The following IQUB variants were observed in gnomAD, a reference collection of about 807,000 sequenced individuals.
The protein encoded by IQUB is IQ motif and ubiquitin-like domain-containing protein.
A neutral mutation model predicts 86.4 loss-of-function variants in IQUB; 86 were observed. The ratio of observed to expected loss-of-function variants is 1.00; its 90% confidence interval spans 0.84 to 1.19. IQUB has a LOEUF of 1.19. Ranked by LOEUF, IQUB falls within the 50% of genes most tolerant of loss-of-function variation. IQUB has a pLI of 0.00. For synonymous variants in IQUB, 289 were observed against 304.5 expected, an observed-to-expected ratio of 0.95 and a Z score of 0.53; for missense variants, 946 against 916.9, an observed-to-expected ratio of 1.03 and a Z score of -0.41.
At chr7:123,520,687 T>C (rs951719240) in intron 1 of IQUB, among the ~76,000 whole-genome samples, 2 of 152,028 alleles carry the variant, frequency 1.3e-5, no homozygotes, top group Non-Finnish European at 2.9e-5. Context: ...GAGAGGGCAT[T>C]AGATTGTGGA....
intron 8 of IQUB, among the ~76,000 whole-genome samples, chr7:123,471,479 C>T (rs1794519556): frequency 6.6e-6 from 1 of 152,138 alleles, no homozygotes; most frequent in East Asian, 1.9e-4. Context: ...AATGCAATTG[C>T]TTTTCTTCCA....
Position 123,469,210 on chromosome 7 carries a change from A to T in IQUB, c.1581+4T>A. On this transcript the variant is annotated splice_donor_region_variant and intron_variant, in intron 9 of 12. Coordinates refer to ENST00000324698, the MANE Select transcript of IQUB (RefSeq NM_178827.5). The stretch of plus-strand genomic sequence containing the variant: ...ACCCCCAAACTAAGAGAAAGTTAAC[A>T]TACCTTTACAGTGTGTTTAAGAGTT... 1.3e-6 allele frequency: 2 copies of T among 1,495,706 alleles called. No homozygotes were observed. Among genetic ancestry groups the T allele is most frequent in the Non-Finnish European group, 1.8e-6 (2 of 1,120,478 alleles). 92.7% of individuals were successfully genotyped at this position (1,495,706 alleles called of 1,614,324 possible).
chr7:123,458,153 T>C (rs1186859567), intron 11 of IQUB: 1 of 152,008 alleles, frequency 6.6e-6, no homozygotes, highest in African/African-American at 2.4e-5. Context: ...AAAGACTTGG[T>C]TGTTTTAATC....
At chr7:123,464,240 TAG>T (rs1794140759) in intron 10 of IQUB, among the ~76,000 whole-genome samples, 1 of 151,878 alleles carries the variant, frequency 6.6e-6, no homozygotes, top group African/African-American at 2.4e-5. Context: ...GTCTTGGCTT[TAG>T]AGAGCCACAG....
chr7:123,517,134 A>G (rs561095010), intron 1 of IQUB, among the ~76,000 whole-genome samples: 10 of 152,276 alleles, frequency 6.6e-5, no homozygotes, highest in South Asian at 2.1e-4. Flanking sequence ...AGAAACTCCA[A>G]TCCTTTATAA....
chr7:123,490,687 G>A (rs780682129), intron 7 of IQUB, among the ~76,000 whole-genome samples: 4 of 152,208 alleles, frequency 2.6e-5, no homozygotes, highest in South Asian at 2.1e-4. Context: ...CAAATTGGCC[G>A]GGTGCATTGG....
At chr7:123,480,097 A>T in intron 7 of IQUB, 127 bp from the exon 8 acceptor site, 2 of 680,832 alleles carry the variant, frequency 2.9e-6, no homozygotes, top group Admixed American at 6.9e-5. Context: ...AATCATTTCT[A>T]TTGTACACCT....
At chr7:123,519,545 C>A (rs1028976437) in intron 1 of IQUB, among the ~76,000 whole-genome samples, 1 of 152,058 alleles carries the variant, frequency 6.6e-6, no homozygotes, top group Non-Finnish European at 1.5e-5. Context: ...ATAAGCAAGG[C>A]ACAGAAAGAC....
chr7:123,530,828 C>A (rs1158143850), intron 1 of IQUB, among the ~76,000 whole-genome samples: 1 of 152,008 alleles, frequency 6.6e-6, no homozygotes, highest in Non-Finnish European at 1.5e-5. Context: ...AGGCACCCCC[C>A]ACCATGCCTG....
At chr7:123,518,171 T>A (rs1562873047) in intron 1 of IQUB, among the ~76,000 whole-genome samples, 1 of 151,978 alleles carries the variant, frequency 6.6e-6, no homozygotes, top group African/African-American at 2.4e-5. Context: ...TCACCCATTA[T>A]CCAGCCACTC....
At chr7:123,533,359 C>T (rs999966841) in intron 1 of IQUB, among the ~76,000 whole-genome samples, 4 of 152,148 alleles carry the variant, frequency 2.6e-5, no homozygotes, top group African/African-American at 4.8e-5. Context: ...TCTATTATAG[C>T]CCCAAGAAGT....
intron 7 of IQUB, among the ~76,000 whole-genome samples, chr7:123,485,621 AAGG>A (rs745705175): frequency 1.3e-5 from 2 of 152,194 alleles, no homozygotes; most frequent in Non-Finnish European, 2.9e-5. Context: ...CATAAAATGA[AAGG>A]AGAATAGGAC....
rs572535777 is a variant in IQUB at position 123,511,180 on chromosome 7, T to C, written c.397+764A>G. 5.9e-5 allele frequency among the ~76,000 whole-genome samples: 9 copies of C among 152,232 alleles called. No homozygotes were observed. In the East Asian group the frequency reaches 1.5e-3, roughly 26 times the overall value. ...TACACCACCAGATTCAAAAGCTACA[T>C]TTTACCAGCCAAACTAAGCTGCTGT... On this transcript the variant is annotated intron_variant, in intron 2 of 12. Coordinates refer to ENST00000324698, the MANE Select transcript of IQUB (RefSeq NM_178827.5).
At chr7:123,460,648 CA>C (rs1793936253) in intron 11 of IQUB, among the ~76,000 whole-genome samples, 1 of 151,902 alleles carries the variant, frequency 6.6e-6, no homozygotes. Context: ...TCTGTTTTCT[CA>C]CTTGCTTACC....
intron 10 of IQUB, 50 bp downstream of exon 10, chr7:123,464,783 A>C: frequency 7.8e-7 from 1 of 1,277,262 alleles, no homozygotes; most frequent in Non-Finnish European, 1.1e-6. Context: ...AATTTACTAT[A>C]CCACATCTTA....
Position 123,452,851 on chromosome 7 carries a change from TG to T in IQUB, c.2267del (p.Pro756GlnfsTer29). The T allele has an allele frequency of 6.2e-7, 1 of 1,613,676 alleles. No individual in the cohort carries two copies. ...CATCAAGTATAAATGAAGCCAGCAC[TG>T]GAACCTGAGAAAAATAGTTCTTAGC... is the stretch of plus-strand genomic sequence containing the variant. ...ILAKNYFSQV[P>X]VLASFILDDG... is the part of the protein sequence containing the mutation. On this transcript the variant is annotated frameshift_variant, in exon 13 of 13. Transcript: ENST00000324698. LOFTEE classifies it low-confidence loss of function (END_TRUNC).
In IQUB at chr7:123,534,510, T is replaced by C; in HGVS notation, c.-23A>G. 6.5e-6 allele frequency: 1 copy of C among 153,436 alleles called. No homozygotes were observed. Among genetic ancestry groups the C allele is most frequent in the South Asian group, 1.9e-4 (1 of 5,348 alleles). 9.5% of individuals were successfully genotyped at this position (153,436 alleles called of 1,614,324 possible). On this transcript the variant is annotated 5_prime_UTR_variant, in exon 1 of 13. It adds an upstream start codon to the 5' untranslated region. Coordinates refer to ENST00000324698, the MANE Select transcript of IQUB (RefSeq NM_178827.5). ...CTCCTACCTGTGTACGAAACCAAAC[T>C]ATTCTCGTCGAAGTGCTTTCCCAGG...
chr7:123,507,248 A>T (rs1422183451), intron 3 of IQUB, among the ~76,000 whole-genome samples: 2 of 152,194 alleles, frequency 1.3e-5, no homozygotes, highest in Admixed American at 6.5e-5. Flanking sequence ...CGAGCACCCA[A>T]TCATTCTGTT....
chr7:123,468,896 A>C (rs1253628171), intron 9 of IQUB, among the ~76,000 whole-genome samples: 1 of 152,180 alleles, frequency 6.6e-6, no homozygotes. Flanking sequence ...CTGCTTTAAA[A>C]CTGCTAAAAA....
Sources: allele counts gnomAD v4.1 joint callset (sites outside exome capture counted in the v4.1 genomes callset), GRCh38; gene constraint gnomAD v4.1.1; transcripts MANE v1.5; gene names NCBI Gene and HGNC (gene_info 2026-07-23, HGNC 2026-07-21).